ABCC1: variants seen among roughly 807,000 people sequenced by gnomAD.
The protein encoded by ABCC1 is ATP binding cassette subfamily C member 1 (ABCC1 blood group).
Under a neutral mutation model 172.9 loss-of-function variants are expected in ABCC1, and 83 were observed. The observed-to-expected ratio is 0.48, with a 90% confidence interval of 0.40 to 0.58. ABCC1 has a LOEUF of 0.58. ABCC1 is among the 20% of genes least tolerant of loss of function. ABCC1 has a pLI of 0.00. For synonymous variants in ABCC1, 937 were observed against 825.2 expected, an observed-to-expected ratio of 1.14 and a Z score of -2.32; for missense variants, 1,817 against 2,002.7, an observed-to-expected ratio of 0.91 and a Z score of 1.77.
intron 19 of ABCC1, chr16:16,098,876 G>A (rs373033723): frequency 2.2e-6 from 3 of 1,352,036 alleles, no homozygotes; most frequent in East Asian, 9.1e-5. Flanking sequence ...TTCCCAGGCA[G>A]CACAGTGATG....
Position 16,098,966 on chromosome 16 carries a change from T to A in ABCC1, c.2645-3661T>A, listed in dbSNP as rs916381239. ...AATGAGGCCAGAGACGGGCCGAGAC[T>A]GTCGCTGCATGTCTGGGGAGGTGCC... is the stretch of plus-strand genomic sequence containing the variant. On this transcript the variant is annotated intron_variant, in intron 19 of 30. Coordinates refer to ENST00000399410, the MANE Select transcript of ABCC1 (RefSeq NM_004996.4). 3 of 1,287,536 alleles carry A rather than the reference T, an allele frequency of 2.3e-6. No individual in the cohort carries two copies. In the African/African-American group the frequency reaches 4.5e-5, roughly 19 times the overall value. 79.8% of individuals were successfully genotyped at this position (1,287,536 alleles called of 1,614,324 possible). A position where few individuals can be genotyped will look rare whatever the true frequency, so the allele number is the denominator to read the frequency against.
chr16:16,106,528 AC>A (rs1370441450), intron 20 of ABCC1: 1 of 544,716 alleles, frequency 1.8e-6, no homozygotes, highest in African/African-American at 1.9e-5. Context: ...CCTGCCTGAG[AC>A]ACTGCCTTTC....
chr16:16,067,514 T>G (rs980353616), intron 12 of ABCC1, among the ~76,000 whole-genome samples: 4 of 152,078 alleles, frequency 2.6e-5, no homozygotes, highest in African/African-American at 9.7e-5. Context: ...CCTACATAAG[T>G]GCCAACAGCC....
intron 5 of ABCC1, among the ~76,000 whole-genome samples, chr16:16,025,748 G>A (rs920234291): frequency 6.6e-6 from 1 of 152,182 alleles, no homozygotes; most frequent in African/African-American, 2.4e-5. Context: ...GGTACCAAAC[G>A]TAGATGTCAA....
chr16:16,060,062 A>C (rs932160131), intron 12 of ABCC1, among the ~76,000 whole-genome samples: 1 of 152,146 alleles, frequency 6.6e-6, no homozygotes. Flanking sequence ...GTGTGGGCCA[A>C]ATGTGGACCT....
At chr16:16,132,515 T>TTTTTTTG (rs1567441432) in intron 27 of ABCC1, among the ~76,000 whole-genome samples, 1 of 78,586 alleles carries the variant, frequency 1.3e-5, no homozygotes, top group African/African-American at 5.2e-5. Context: ...TGGTTGTTTT[T>TTTTTTTG]TTTTTTTTTT....
At chr16:16,000,539 A>G (rs2047271489) in intron 1 of ABCC1, among the ~76,000 whole-genome samples, 1 of 152,204 alleles carries the variant, frequency 6.6e-6, no homozygotes, top group South Asian at 2.1e-4. Flanking sequence ...ATTTGAATCT[A>G]CATCTGCTCA....
At chr16:15,991,990 T>A (rs946406773) in intron 1 of ABCC1, among the ~76,000 whole-genome samples, 1 of 152,114 alleles carries the variant, frequency 6.6e-6, no homozygotes, top group African/African-American at 2.4e-5. Flanking sequence ...CAGGCGAGCG[T>A]GTGAGACTTC....
rs2046010859 is a variant in ABCC1 at position 16,138,670 on chromosome 16, C to A, written c.4487+112C>A. ...CTGTCCTTATCCCTAGTGACAGCCC[C>A]AGTGGGTGGATCCTCTCTTCATCCT... On this transcript the variant is annotated intron_variant, in intron 30 of 30. Transcript: ENST00000399410. 5 of 815,790 alleles carry A rather than the reference C, an allele frequency of 6.1e-6. No individual in the cohort carries two copies. In the South Asian group the frequency reaches 1.4e-4, roughly 23 times the overall value. The allele number at this position is 815,790 out of a possible 1,614,324, so 50.5% of individuals were successfully genotyped here.
At chr16:16,024,798 T>G (rs1567324161) in intron 5 of ABCC1, among the ~76,000 whole-genome samples, 1 of 152,084 alleles carries the variant, frequency 6.6e-6, no homozygotes, top group Non-Finnish European at 1.5e-5. Context: ...GTGAGGTCGG[T>G]GGCACTTAAA....
At chr16:16,134,722 C>T (rs1031644563) in intron 28 of ABCC1, among the ~76,000 whole-genome samples, 30 of 151,122 alleles carry the variant, frequency 2.0e-4, no homozygotes, top group South Asian at 4.2e-4. Context: ...CTGCAACCTC[C>T]GTCTCCCAGG....
At chr16:15,985,375 G>A (rs2046719919) in intron 1 of ABCC1, among the ~76,000 whole-genome samples, 1 of 152,130 alleles carries the variant, frequency 6.6e-6, no homozygotes, top group Non-Finnish European at 1.5e-5. Flanking sequence ...AAGGTGACAT[G>A]TGTTCATGCC....
At chr16:16,038,968 C>A (rs1358202642) in intron 7 of ABCC1, among the ~76,000 whole-genome samples, 1 of 152,188 alleles carries the variant, frequency 6.6e-6, no homozygotes, top group African/African-American at 2.4e-5. Context: ...CTCCACTGGC[C>A]TGGCTCTTAA....
intron 1 of ABCC1, among the ~76,000 whole-genome samples, chr16:15,962,568 G>A (rs549581698): frequency 2.0e-5 from 3 of 152,316 alleles, no homozygotes; most frequent in Non-Finnish European, 2.9e-5. Flanking sequence ...CTGCATGGCT[G>A]GGGAGGCCTC....
rs770162860 is a variant in ABCC1 at position 16,048,267 on chromosome 16, C to G, written c.1344C>G (p.Pro448=). The G allele has an allele frequency of 8.1e-6, 13 of 1,614,160 alleles. No individual in the cohort carries two copies. In the East Asian group the frequency reaches 1.3e-4, roughly 17 times the overall value. The change falls in exon 10 of 31, where the codon CCC becomes CCG. Residue 448 remains proline, a synonymous_variant. Transcript: ENST00000399410. ...ATYINMIWSA[P]LQVILALYLL... is the part of the protein sequence containing the mutation. ...ACATTAACATGATCTGGTCAGCCCCCCTGCAAGTCATCCTTGCTCTCTACC... is the reference window on the plus strand; with the variant it reads ...ACATTAACATGATCTGGTCAGCCCCGCTGCAAGTCATCCTTGCTCTCTACC...
rs71137912 is a variant in ABCC1, at chr16:16,105,714, C to CTT, written c.2736-1009_2736-1008dup. Among the ~76,000 whole-genome samples, 155 of 130,358 alleles carry CTT rather than the reference C, an allele frequency of 1.2e-3. 2 individuals carry two copies. Among genetic ancestry groups the CTT allele is most frequent in the Middle Eastern group, 4.0e-3 (1 of 250 alleles). 85.5% of individuals were successfully genotyped at this position (130,358 alleles called of 152,430 possible). ...TCCATAATTTCTTTTCTTTTCTTTT[C>CTT]TTTTTTTTTTTTTTTTGACATGAGT... On this transcript the variant is annotated intron_variant, in intron 20 of 30. Coordinates refer to ENST00000399410, the MANE Select transcript of ABCC1 (RefSeq NM_004996.4).
chr16:15,996,466 C>G (rs2047060283), intron 1 of ABCC1, among the ~76,000 whole-genome samples: 1 of 152,170 alleles, frequency 6.6e-6, no homozygotes, highest in Admixed American at 6.5e-5. Context: ...AGTGGATGCT[C>G]AGGCCTCAGT....
chr16:16,074,960 T>C (rs1227996566), intron 14 of ABCC1, among the ~76,000 whole-genome samples: 1 of 151,228 alleles, frequency 6.6e-6, no homozygotes, highest in East Asian at 1.9e-4. Context: ...TTTTTTTTTT[T>C]TTTTGAGACA....
rs533068839 is a variant in ABCC1 at position 16,033,726 on chromosome 16, C to T, written c.677+556C>T. 3.0e-4 allele frequency among the ~76,000 whole-genome samples: 46 copies of T among 152,084 alleles called. No homozygotes were observed. In the East Asian group the frequency reaches 3.5e-3, roughly 12 times the overall value. ...CAAGTCTCCGCCTCCCAGGTTCAAG[C>T]GATTCTCCTGCCTCAGCCTCCCAGG... On this transcript the variant is annotated intron_variant, in intron 6 of 30. Coordinates refer to ENST00000399410, the MANE Select transcript of ABCC1 (RefSeq NM_004996.4).
Sources: allele counts gnomAD v4.1 joint callset (sites outside exome capture counted in the v4.1 genomes callset), GRCh38; gene constraint gnomAD v4.1.1; transcripts MANE v1.5; gene names NCBI Gene and HGNC (gene_info 2026-07-23, HGNC 2026-07-21).